ROBO2: variants seen among roughly 807,000 people sequenced by gnomAD.
ROBO2 encodes the protein roundabout guidance receptor 2.
Under a neutral mutation model 160.8 loss-of-function variants are expected in ROBO2, and 53 were observed. The ratio of observed to expected loss-of-function variants is 0.33; its 90% CI spans 0.26 to 0.41. The LOEUF (loss-of-function observed/expected upper bound fraction) is 0.41, where lower values mean the gene tolerates loss of function less well. Among genes scored for constraint, ROBO2 ranks in the 10% least tolerant of loss-of-function variants. The pLI, the probability that ROBO2 is intolerant of heterozygous loss-of-function variation, is 1.00. For missense variants in ROBO2, 1,577 were observed against 1,722.4 expected, an observed-to-expected ratio of 0.92 and a Z score of 1.49; for synonymous variants, 664 against 611.7, an observed-to-expected ratio of 1.09 and a Z score of -1.26.
intron 2 of ROBO2, among the ~76,000 whole-genome samples, chr3:76,341,900 G>T (rs1272062404): frequency 6.6e-6 from 1 of 152,130 alleles, no homozygotes; most frequent in African/African-American, 2.4e-5. Flanking sequence ...TCTAGCATAT[G>T]TTTCCTCTTT....
intron 2 of ROBO2, among the ~76,000 whole-genome samples, chr3:76,776,159 A>G (rs2062238821): frequency 6.6e-6 from 1 of 150,942 alleles, no homozygotes; most frequent in East Asian, 2.0e-4. Context: ...CATCTCCCCA[A>G]AGAAAAGCAT....
intron 2 of ROBO2, among the ~76,000 whole-genome samples, chr3:76,262,465 A>G (rs1375009132): frequency 6.6e-6 from 1 of 152,120 alleles, no homozygotes; most frequent in Non-Finnish European, 1.5e-5. Context: ...ATAAAATGGA[A>G]AAGGTTGTTT....
intron 2 of ROBO2, among the ~76,000 whole-genome samples, chr3:76,472,062 AAT>A (rs577040393): frequency 0.01 from 1,267 of 125,816 alleles, 9 homozygotes; most frequent in Non-Finnish European, 0.013. Context: ...GGTCTGATAA[AAT>A]GTGTGTGTGT....
intron 21 of ROBO2, 39 bp downstream of exon 22, chr3:77,607,993 C>T (rs2094558930): frequency 6.2e-7 from 1 of 1,600,838 alleles, no homozygotes; most frequent in Admixed American, 1.7e-5. Context: ...GGCCAGGGCT[C>T]TCCTCTCCTC....
chr3:75,971,549 A>G (rs576316943), intron 2 of ROBO2, among the ~76,000 whole-genome samples: 2 of 151,668 alleles, frequency 1.3e-5, no homozygotes, highest in East Asian at 2.0e-4. Flanking sequence ...CAAACTCTCT[A>G]TGAGAAAACT....
intron 2 of ROBO2, among the ~76,000 whole-genome samples, chr3:76,610,367 G>A (rs1351644108): frequency 2.0e-5 from 3 of 152,100 alleles, no homozygotes; most frequent in Non-Finnish European, 4.4e-5. Context: ...TCCCCTGCCC[G>A]TATCCTGCAA....
At chr3:76,538,151 T>TCACACACACACACACACA (rs3223397) in intron 2 of ROBO2, among the ~76,000 whole-genome samples, 4 of 146,258 alleles carry the variant, frequency 2.7e-5, no homozygotes, top group African/African-American at 5.1e-5. Flanking sequence ...CTGACAGAAC[T>TCACACACACACACACACA]CACACACACA....
intron 2 of ROBO2, among the ~76,000 whole-genome samples, chr3:76,353,824 T>C (rs2075012036): frequency 6.6e-6 from 1 of 151,926 alleles, no homozygotes; most frequent in Non-Finnish European, 1.5e-5. Context: ...AATTAACACC[T>C]AAATTCTTTC....
intron 2 of ROBO2, among the ~76,000 whole-genome samples, chr3:76,205,925 A>T (rs898261253): frequency 1.1e-4 from 16 of 152,132 alleles, no homozygotes; most frequent in Admixed American, 5.9e-4. Flanking sequence ...ATGGGCTGGG[A>T]CTCAAACTCG....
chr3:77,014,116 T>C (rs2062081570), intron 2 of ROBO2, among the ~76,000 whole-genome samples: 1 of 152,044 alleles, frequency 6.6e-6, no homozygotes. Flanking sequence ...TTCAAAATCA[T>C]TACAGTTGTG....
intron 2 of ROBO2, among the ~76,000 whole-genome samples, chr3:76,785,278 A>G (rs267135): frequency 0.078 from 11,853 of 151,204 alleles, 658 homozygotes; most frequent in Middle Eastern, 0.19. Flanking sequence ...GTATGGTATA[A>G]CAAGTGTACT....
intron 2 of ROBO2, among the ~76,000 whole-genome samples, chr3:77,293,386 C>A (rs1159428903): frequency 2.0e-5 from 3 of 149,710 alleles, no homozygotes; most frequent in Non-Finnish European, 4.4e-5. Flanking sequence ...GAGGCTAGAT[C>A]ACCCCAGACA....
At chr3:76,858,212 G>A (rs1157058114) in intron 2 of ROBO2, among the ~76,000 whole-genome samples, 1 of 152,158 alleles carries the variant, frequency 6.6e-6, no homozygotes, top group Non-Finnish European at 1.5e-5. Context: ...GACAGGACGG[G>A]AGGACGGGCC....
intron 2 of ROBO2, among the ~76,000 whole-genome samples, chr3:76,336,938 T>C (rs2073931730): frequency 6.6e-6 from 1 of 152,140 alleles, no homozygotes; most frequent in African/African-American, 2.4e-5. Context: ...TGTTTGCAGT[T>C]ATGAATTTTT....
rs375670234 is a variant in ROBO2, at chr3:76,606,957, T to C, written c.110-491057T>C. Among the ~76,000 whole-genome samples, 668 of 152,360 alleles carry C rather than the reference T, an allele frequency of 4.4e-3. 7 individuals carry two copies. Among genetic ancestry groups the C allele is most frequent in the South Asian group, 0.035 (169 of 4,828 alleles). ...TCATGATTTTACATATGAAGCTAAA[T>C]ATGGAATAAATATTTCATCATTTAA... On this transcript the variant is annotated intron_variant, in intron 2 of 26. Transcript: ENST00000487694.
chr3:76,370,692 T>C (rs1041171217), intron 2 of ROBO2, among the ~76,000 whole-genome samples: 3 of 151,918 alleles, frequency 2.0e-5, no homozygotes, highest in Non-Finnish European at 2.9e-5. Flanking sequence ...ATTACAATAC[T>C]AAATCAAAAT....
At chr3:77,624,089 C>G (rs1046256854) in intron 23 of ROBO2, among the ~76,000 whole-genome samples, 11 of 152,084 alleles carry the variant, frequency 7.2e-5, no homozygotes, top group African/African-American at 2.7e-4. Flanking sequence ...TCCTTGAATT[C>G]ACTGCTTAAT....
intron 2 of ROBO2, among the ~76,000 whole-genome samples, chr3:76,551,616 C>A (rs760531373): frequency 1.3e-5 from 2 of 152,128 alleles, no homozygotes; most frequent in African/African-American, 2.4e-5. Flanking sequence ...CCTAGAGGAT[C>A]CCTGAACCAG....
At chr3:76,287,364 C>T (rs1023663170) in intron 2 of ROBO2, among the ~76,000 whole-genome samples, 8 of 151,110 alleles carry the variant, frequency 5.3e-5, no homozygotes, top group South Asian at 2.1e-4. Context: ...GGCACAATCT[C>T]GGATCACTGC....
Sources: allele counts gnomAD v4.1 joint callset (sites outside exome capture counted in the v4.1 genomes callset), GRCh38; gene constraint gnomAD v4.1.1; transcripts MANE v1.5; gene names NCBI Gene and HGNC (gene_info 2026-07-23, HGNC 2026-07-21).